CPA4: variants seen among roughly 807,000 people sequenced by gnomAD.
CPA4 encodes carboxypeptidase A3.
Under a neutral mutation model 54.7 loss-of-function variants are expected in CPA4, and 49 were observed. The observed-to-expected ratio is 0.90, with a 90% CI of 0.71 to 1.14. CPA4 has a LOEUF of 1.14. CPA4 is among the 50% of genes most tolerant of loss of function. The pLI is 0.00. For missense variants in CPA4, 487 were observed against 525.1 expected, an observed-to-expected ratio of 0.93 and a Z score of 0.71; for synonymous variants, 215 against 206.8, an observed-to-expected ratio of 1.04 and a Z score of -0.34.
rs76352507 is a variant in CPA4, at chr7:130,321,557, G to T, written c.1079-932G>T. ...TTGTGTATTTGTCCATTTTCACACTGCTGATAAAGACATACCTGGGACTGG... is the reference window on the plus strand; with the variant it reads ...TTGTGTATTTGTCCATTTTCACACTTCTGATAAAGACATACCTGGGACTGG... On this transcript the variant is annotated intron_variant, in intron 10 of 10. Transcript: ENST00000222482. 8.7e-4 allele frequency among the ~76,000 whole-genome samples: 133 copies of T among 152,226 alleles called. No individual in the cohort carries two copies. In the East Asian group the frequency reaches 0.019, roughly 22 times the overall value.
chr7:130,320,947 C>T (rs1186059556), intron 10 of CPA4, among the ~76,000 whole-genome samples: 1 of 152,118 alleles, frequency 6.6e-6, no homozygotes, highest in East Asian at 1.9e-4. Context: ...ACCTTTAATC[C>T]CAGCACCTTG....
chr7:130,318,991 G>T (rs1331820069), intron 10 of CPA4, among the ~76,000 whole-genome samples: 2 of 152,036 alleles, frequency 1.3e-5, no homozygotes, highest in East Asian at 3.8e-4. Context: ...CTTTTTTCAT[G>T]GTTAAGTGTA....
intron 10 of CPA4, among the ~76,000 whole-genome samples, chr7:130,316,120 T>C (rs377357856): frequency 6.6e-6 from 1 of 152,200 alleles, no homozygotes; most frequent in Non-Finnish European, 1.5e-5. Flanking sequence ...ATTGGATGAT[T>C]GGTTGAGACG....
At chr7:130,317,915 C>A (rs1584755203) in intron 10 of CPA4, among the ~76,000 whole-genome samples, 1 of 152,144 alleles carries the variant, frequency 6.6e-6, no homozygotes, top group African/African-American at 2.4e-5. Context: ...TCACTTCAGA[C>A]CCCCTCTTTT....
chr7:130,304,512 T>G lies in CPA4; in HGVS notation c.419T>G (p.Phe140Cys), dbSNP rs1422005688. 5 of 1,613,642 alleles carry G rather than the reference T, an allele frequency of 3.1e-6. No individual in the cohort carries two copies. ...GAGATGGACAACATTGCCGCAGACT[T>G]TCCTGACCTGGCGAGGAGGGTGAAG... ...YHEMDNIAAD[F>C]PDLARRVKIG... is the part of the protein sequence containing the mutation. The change falls in exon 5 of 11, where the codon TTT becomes TGT. Residue 140 changes from phenylalanine to cysteine, a missense_variant. By Grantham distance (205) the Phe-to-Cys change is radical. Transcript: ENST00000222482.
Position 130,322,887 on chromosome 7 carries a change from C to A in CPA4, c.*211C>A. The A allele has an allele frequency of 6.2e-6, 3 of 483,682 alleles. No homozygotes were observed. Among genetic ancestry groups the A allele is most frequent in the South Asian group, 8.7e-5 (2 of 22,960 alleles). 30.0% of individuals were successfully genotyped at this position (483,682 alleles called of 1,614,324 possible). A position where few individuals can be genotyped will look rare whatever the true frequency, so the allele number is the denominator to read the frequency against. On this transcript the variant is annotated 3_prime_UTR_variant, in exon 11 of 11. Transcript: ENST00000222482. ...TTCTGCCAGCCTGCTCAATTTTGGT[C>A]CTGCTGTTTTTGATGAGCCTTTTGT...
intron 1 of CPA4, 46 bp downstream of exon 1, chr7:130,293,294 G>T (rs771528539): frequency 9.4e-7 from 1 of 1,069,124 alleles, no homozygotes; most frequent in East Asian, 2.4e-5. Flanking sequence ...AGAAATATGG[G>T]AGCCAAATGG....
Position 130,322,728 on chromosome 7 carries a change from G to A in CPA4, c.*52G>A, listed in dbSNP as rs761896427. 1.3e-6 allele frequency: 2 copies of A among 1,543,332 alleles called. No homozygotes were observed. The highest frequency in any genetic ancestry group is 1.8e-5 in the Admixed American group (1 of 54,354). On this transcript the variant is annotated 3_prime_UTR_variant, in exon 11 of 11. Transcript: ENST00000222482. ...ATTTGTACCCACACGTGCACGCACTGAGGCCATTGTTAAAGGAGCTCTTTC... is the reference window on the plus strand; with the variant it reads ...ATTTGTACCCACACGTGCACGCACTAAGGCCATTGTTAAAGGAGCTCTTTC...
At chr7:130,295,851 T>C (rs994823451) in intron 1 of CPA4, among the ~76,000 whole-genome samples, 1 of 152,122 alleles carries the variant, frequency 6.6e-6, no homozygotes, top group African/African-American at 2.4e-5. Context: ...TGGAGGTGCA[T>C]GCCTGCAATC....
chr7:130,301,300 G>C (rs1253754811), intron 4 of CPA4, among the ~76,000 whole-genome samples: 1 of 152,060 alleles, frequency 6.6e-6, no homozygotes, highest in Non-Finnish European at 1.5e-5. Context: ...TGATTTCGAA[G>C]GTTAACCAAA....
Position 130,322,505 on chromosome 7 carries a change from C to T in CPA4, c.1095C>T (p.Ser365=), listed in dbSNP as rs1424407486. The change falls in exon 11 of 11, where the codon AGC becomes AGT. Residue 365 remains serine (S), a synonymous_variant. Coordinates refer to ENST00000222482, the MANE Select transcript of CPA4 (RefSeq NM_016352.4). ...GACTTACAGATCCAGCTAGCGGGAG[C>T]AGCATCGACTGGGCATATGACAACG... ...TCTTVYPASG[S]SIDWAYDNGI... is the part of the protein sequence containing the mutation. The T allele has an allele frequency of 1.9e-6, 3 of 1,613,478 alleles. No individual in the cohort carries two copies. Among genetic ancestry groups the T allele is most frequent in the Non-Finnish European group, 2.5e-6 (3 of 1,179,710 alleles).
rs1794174672 is a variant in CPA4, at chr7:130,323,941, GTGTGTGTGTC to G, written c.*1269_*1278del. The G allele has an allele frequency of 6.6e-6, 1 of 150,730 alleles. No homozygotes were observed. Among genetic ancestry groups the G allele is most frequent in the Non-Finnish European group, 1.5e-5 (1 of 67,692 alleles). 9.3% of individuals were successfully genotyped at this position (150,730 alleles called of 1,614,324 possible). ...TGTGTGTGTGTGTGTGTGTGTTTGT[GTGTGTGTGTC>G]TGTCTATTTTGTATCCTGGACCACA... On this transcript the variant is annotated 3_prime_UTR_variant, in exon 11 of 11. Transcript: ENST00000222482.
Position 130,294,361 on chromosome 7 carries a change from A to G in CPA4, c.68+1113A>G, listed in dbSNP as rs78802934. On this transcript the variant is annotated intron_variant, in intron 1 of 10. Transcript: ENST00000222482. ...GTTGTTTTTTGAGGTAATTACTTAT[A>G]TGAGATTGACTAAGTTTTATGATGA... is the stretch of plus-strand genomic sequence containing the variant. Among the ~76,000 whole-genome samples the G allele has an allele frequency of 4.1e-3, 621 of 152,298 alleles. 4 individuals are homozygous for G. The highest frequency in any genetic ancestry group is 0.014 in the African/African-American group (574 of 41,572).
intron 10 of CPA4, among the ~76,000 whole-genome samples, chr7:130,316,909 C>CAAAA (rs55938623): frequency 2.4e-5 from 3 of 124,760 alleles, no homozygotes; most frequent in Non-Finnish European, 5.0e-5. Context: ...AACTCTGTCT[C>CAAAA]AAAAAAAAAA....
rs574104186 is a variant in CPA4, at chr7:130,323,160, T to A, written c.*484T>A. Reference sequence around the variant, plus strand: ...TTTCTCGCAGTCTTCCTGGAAAATATTTTCCTTTGAGCAGCAAATCTTGTA... The same window carrying A: ...TTTCTCGCAGTCTTCCTGGAAAATAATTTCCTTTGAGCAGCAAATCTTGTA... On this transcript the variant is annotated 3_prime_UTR_variant, in exon 11 of 11. Transcript: ENST00000222482. The A allele has an allele frequency of 1.3e-5, 2 of 153,414 alleles. No homozygotes were observed. The highest frequency in any genetic ancestry group is 2.9e-5 in the Non-Finnish European group (2 of 68,762). 9.5% of individuals were successfully genotyped at this position (153,414 alleles called of 1,614,324 possible).
At chr7:130,297,455 C>T (rs1290958590) in intron 1 of CPA4, among the ~76,000 whole-genome samples, 3 of 152,152 alleles carry the variant, frequency 2.0e-5, no homozygotes, top group Non-Finnish European at 4.4e-5. Flanking sequence ...CCGCTGACCT[C>T]CAGGACCCTT....
At chr7:130,303,946 T>G (rs1376137378) in intron 4 of CPA4, among the ~76,000 whole-genome samples, 2 of 152,028 alleles carry the variant, frequency 1.3e-5, no homozygotes, top group Non-Finnish European at 2.9e-5. Flanking sequence ...CTGGCTTGTT[T>G]TTATTTTATT....
chr7:130,297,805 G>A (rs904917099), intron 1 of CPA4, among the ~76,000 whole-genome samples: 1 of 152,104 alleles, frequency 6.6e-6, no homozygotes, highest in African/African-American at 2.4e-5. Context: ...GGATTCTTTG[G>A]AGCTGTCACC....
At chr7:130,306,290 G>A in intron 6 of CPA4, 1 of 285,216 alleles carries the variant, frequency 3.5e-6, no homozygotes, top group Non-Finnish European at 6.7e-6. Context: ...GGCTGAGGCA[G>A]GAGAATCCCT....
Sources: gnomAD v4.1 joint callset for allele counts (sites outside exome capture counted in the v4.1 genomes callset) on GRCh38, gnomAD v4.1.1 for gene constraint, MANE v1.5 for transcripts, NCBI Gene and HGNC (gene_info 2026-07-23, HGNC 2026-07-21) for gene names.